PIP5K1C: variants seen among roughly 807,000 people sequenced by gnomAD.
PIP5K1C encodes the protein phosphatidylinositol 4-phosphate 5-kinase type-1 gamma.
Under a neutral mutation model 80.1 loss-of-function variants are expected in PIP5K1C, and 45 were observed. The ratio of observed to expected loss-of-function variants is 0.56; its 90% CI spans 0.44 to 0.72. The LOEUF (loss-of-function observed/expected upper bound fraction) is 0.72, where lower values mean the gene tolerates loss of function less well. Ranked by LOEUF, PIP5K1C falls within the 30% of genes least tolerant of loss-of-function variation. PIP5K1C has a pLI of 0.00. For synonymous variants in PIP5K1C, 498 were observed against 420.1 expected (o/e 1.19, Z -2.27); for missense variants, 753 against 954.6 (o/e 0.79, Z 2.78).
In PIP5K1C at chr19:3,648,532, GCGCC is replaced by G; in HGVS notation, c.1211+89_1211+92del. 2 of 962,148 alleles carry G rather than the reference GCGCC, an allele frequency of 2.1e-6. No homozygotes were observed. Among genetic ancestry groups the G allele is most frequent in the Non-Finnish European group, 3.3e-6 (2 of 598,326 alleles). 59.6% of individuals were successfully genotyped at this position (962,148 alleles called of 1,614,324 possible). A position where few individuals can be genotyped will look rare whatever the true frequency, so the allele number is the denominator to read the frequency against. ...CCCACCTGTGGGGCTGCAGACCCGGGCGCCCACCTGTGGGGCTGCAGACCCGGGC... is the reference window on the plus strand; with the variant it reads ...CCCACCTGTGGGGCTGCAGACCCGGGCACCTGTGGGGCTGCAGACCCGGGC... On this transcript the variant is annotated intron_variant, in intron 9 of 17. Coordinates refer to ENST00000335312, the MANE Select transcript of PIP5K1C (RefSeq NM_012398.3). This position sits in a 1 kb window ranked among gnomAD's most constrained non-coding sequence, Gnocchi z 4.3.
chr19:3,681,665 A>G (rs1247300844), intron 1 of PIP5K1C, among the ~76,000 whole-genome samples: 1 of 152,000 alleles, frequency 6.6e-6, no homozygotes, highest in Non-Finnish European at 1.5e-5. Flanking sequence ...CATTGGACCT[A>G]TTTTACAGCT....
chr19:3,685,799 G>A (rs1315966722), intron 1 of PIP5K1C, among the ~76,000 whole-genome samples: 1 of 152,024 alleles, frequency 6.6e-6, no homozygotes, highest in African/African-American at 2.4e-5. Context: ...GGCTCCTTAA[G>A]TGCTACAACC....
chr19:3,687,010 T>C (rs908384307), intron 1 of PIP5K1C, among the ~76,000 whole-genome samples: 2 of 152,060 alleles, frequency 1.3e-5, no homozygotes, highest in African/African-American at 2.4e-5. Context: ...CTGGCCAACA[T>C]GGTAAAACCC....
At position 3,637,770 on chromosome 19, in the gene PIP5K1C, C is replaced by T; in HGVS notation, c.1920+1114G>A. 3.3e-6 allele frequency: 5 copies of T among 1,531,688 alleles called. No homozygotes were observed. Among genetic ancestry groups the T allele is most frequent in the Non-Finnish European group, 4.4e-6 (5 of 1,145,426 alleles). 94.9% of individuals were successfully genotyped at this position (1,531,688 alleles called of 1,614,324 possible). On this transcript the variant is annotated intron_variant, in intron 16 of 17. Transcript: ENST00000335312. This position sits in a 1 kb window ranked among gnomAD's most constrained non-coding sequence, Gnocchi z 7.0. ...AAGCAGAAGGTGGGGGGTGCCGGGG[C>T]AGGGGCAGGACCGAGGACCCTTCTC...
In PIP5K1C at chr19:3,637,397, T is replaced by C. The variant is rs10408855; in HGVS notation, c.1920+1487A>G. 0.62 allele frequency: 954,739 copies of C among 1,535,316 alleles called. 298,663 individuals carry two copies. The highest frequency in any genetic ancestry group is 0.78 in the African/African-American group (57,100 of 73,110). ...CCGGGGCCAGCGTGGCTGACCTCAA[T>C]TGCAGCCGTGATTTACCCAAAGCCC... On this transcript the variant is annotated intron_variant, in intron 16 of 17. Transcript: ENST00000335312. This position sits in a 1 kb window ranked among gnomAD's most constrained non-coding sequence, Gnocchi z 7.0.
rs753815391 is a variant in PIP5K1C, at chr19:3,656,571, A to C, written c.469-14T>G. The C allele has an allele frequency of 1.1e-5, 17 of 1,612,840 alleles. No homozygotes were observed. Among genetic ancestry groups the C allele is most frequent in the African/African-American group, 2.7e-5 (2 of 74,936 alleles). On this transcript the variant is annotated splice_polypyrimidine_tract_variant and intron_variant, in intron 5 of 17. Coordinates refer to ENST00000335312, the MANE Select transcript of PIP5K1C (RefSeq NM_012398.3). ...GCACAGGGAGTACTGGAAGCAGAGG[A>C]GGCGGGTCAGCGGGCCCCAAGCTGC... is the stretch of plus-strand genomic sequence containing the variant.
intron 1 of PIP5K1C, among the ~76,000 whole-genome samples, chr19:3,697,503 A>AGGACCGAGCTGGACCG (rs1568367104): frequency 1.2e-4 from 17 of 146,476 alleles, no homozygotes; most frequent in Non-Finnish European, 2.3e-4. Flanking sequence ...GAGCTGGACC[A>AGGACCGAGCTGGACCG]GGGAGGACCA....
intron 12 of PIP5K1C, 147 bp from the exon 13 acceptor site, chr19:3,643,528 G>A: frequency 1.1e-6 from 1 of 901,426 alleles, no homozygotes; most frequent in Non-Finnish European, 1.7e-6. Context: ...ACACGGCAGG[G>A]AAGGACGACG....
chr19:3,685,505 C>T lies in PIP5K1C; in HGVS notation c.94+14792G>A, dbSNP rs374315946. On this transcript the variant is annotated intron_variant, in intron 1 of 17. Coordinates refer to ENST00000335312, the MANE Select transcript of PIP5K1C (RefSeq NM_012398.3). ...CAGCACTTTGGGAGGCCGAGGCGGG[C>T]GGATCACGAGGTCAGGAGATCGAGA... Among the ~76,000 whole-genome samples, 19 of 152,072 alleles carry T rather than the reference C, an allele frequency of 1.2e-4. No individual in the cohort carries two copies. In the East Asian group the frequency reaches 1.5e-3, roughly 12 times the overall value.
chr19:3,700,222 C>T (rs2036254319), intron 1 of PIP5K1C, 75 bp downstream of exon 1: 9 of 869,034 alleles, frequency 1.0e-5, no homozygotes, highest in Non-Finnish European at 1.3e-5. Context: ...GCCCCCGCCC[C>T]GGCCCCGCAG....
At chr19:3,699,641 G>A (rs751048216) in intron 1 of PIP5K1C, among the ~76,000 whole-genome samples, 1 of 152,194 alleles carries the variant, frequency 6.6e-6, no homozygotes, top group African/African-American at 2.4e-5. Flanking sequence ...CAGAAGGGAA[G>A]GCCCAGCTGC....
chr19:3,661,852 C>G lies in PIP5K1C; in HGVS notation c.350+19G>C. On this transcript the variant is annotated intron_variant, in intron 4 of 17. Transcript: ENST00000335312. ...CGTGTGTGCTGGGTGAGCCCTGAGG[C>G]TCCGGGGGCCCGGCCCACCTGGGGA... is the stretch of plus-strand genomic sequence containing the variant. 1 of 1,610,044 alleles carries G rather than the reference C, an allele frequency of 6.2e-7. No homozygotes were observed. Among genetic ancestry groups the G allele is most frequent in the African/African-American group, 1.3e-5 (1 of 75,064 alleles).
At chr19:3,652,503 T>A (rs2034489548) in intron 7 of PIP5K1C, among the ~76,000 whole-genome samples, 3 of 152,008 alleles carry the variant, frequency 2.0e-5, no homozygotes, top group Admixed American at 6.6e-5. Flanking sequence ...CTGGGGATGG[T>A]CAGCAGCGGG....
At chr19:3,636,626 G>A (rs2033698347) in intron 16 of PIP5K1C, 2 of 985,696 alleles carry the variant, frequency 2.0e-6, no homozygotes, top group Non-Finnish European at 2.4e-6. Flanking sequence ...CGCGGTGGCT[G>A]GCTTCCCGCT....
chr19:3,691,256 C>T (rs186002757), intron 1 of PIP5K1C, among the ~76,000 whole-genome samples: 44 of 152,292 alleles, frequency 2.9e-4, no homozygotes, highest in Non-Finnish European at 5.0e-4. Flanking sequence ...CCTCCGCTGC[C>T]GGAACACGGA....
At chr19:3,691,938 A>G (rs567637081) in intron 1 of PIP5K1C, among the ~76,000 whole-genome samples, 3 of 152,272 alleles carry the variant, frequency 2.0e-5, no homozygotes, top group African/African-American at 4.8e-5. Context: ...GCCCACAGGC[A>G]CAGGCCCCGA....
At chr19:3,666,735 G>A (rs1003236223) in intron 2 of PIP5K1C, among the ~76,000 whole-genome samples, 5 of 150,808 alleles carry the variant, frequency 3.3e-5, no homozygotes, top group Admixed American at 1.3e-4. Flanking sequence ...ACGCACGCAG[G>A]CAAACATGCA....
Position 3,653,337 on chromosome 19 carries a change from C to A in PIP5K1C, c.874G>T (p.Ala292Ser), listed in dbSNP as rs761324448. The change falls in exon 7 of 18, where the codon GCC becomes TCC. Residue 292 changes from alanine (A) to serine (S), a missense_variant. By Grantham distance (99) the Ala-to-Ser change is moderately conservative. This residue lies in a region of PIP5K1C where 105 missense variants were observed against 133.4 expected (regional missense o/e 0.79). Coordinates refer to ENST00000335312, the MANE Select transcript of PIP5K1C (RefSeq NM_012398.3). Reference protein sequence around the residue: ...QDMPEGLLLDADTFSALVKTL... With the variant: ...QDMPEGLLLDSDTFSALVKTL... ...TTGACCAGGGCGCTGAAGGTGTCGGCGTCCAGCAGGAGCCCCTCGGGCATG... is the reference window on the plus strand; with the variant it reads ...TTGACCAGGGCGCTGAAGGTGTCGGAGTCCAGCAGGAGCCCCTCGGGCATG... 1.9e-6 allele frequency: 3 copies of A among 1,611,284 alleles called. No individual in the cohort carries two copies. The highest frequency in any genetic ancestry group is 2.5e-6 in the Non-Finnish European group (3 of 1,179,986).
Position 3,653,598 on chromosome 19 carries a change from G to A in PIP5K1C, c.622-9C>T. On this transcript the variant is annotated splice_polypyrimidine_tract_variant and intron_variant, in intron 6 of 17. Transcript: ENST00000335312. ...GGGTTCTGGTTGAGGTTCTGCCGGG[G>A]GAAGAGGGCAAGTCGTGGAGGGCGG... The A allele has an allele frequency of 6.2e-7, 1 of 1,603,760 alleles. No homozygotes were observed. The highest frequency in any genetic ancestry group is 8.5e-7 in the Non-Finnish European group (1 of 1,172,842).
Sources: gnomAD v4.1 joint callset for allele counts (sites outside exome capture counted in the v4.1 genomes callset) on GRCh38, gnomAD v4.1.1 for gene constraint, gnomAD v4.1.1 regional missense constraint, Gnocchi (gnomAD v3.1) non-coding constraint, MANE v1.5 for transcripts, NCBI Gene and HGNC (gene_info 2026-07-23, HGNC 2026-07-21) for gene names.